MAPK8: variants seen among roughly 807,000 people sequenced by gnomAD.
The protein encoded by MAPK8 is mitogen-activated protein kinase 8, also known as JUN N-terminal kinase.
MAPK8 carries 13 observed loss-of-function variants against 52.9 expected under a neutral mutation model. The ratio of observed to expected loss-of-function variants is 0.25; its 90% CI spans 0.16 to 0.39. MAPK8 has a LOEUF of 0.39. MAPK8 is among the 10% of genes least tolerant of loss of function. The pLI is 1.00. For synonymous variants in MAPK8, 191 were observed against 169.8 expected, an observed-to-expected ratio of 1.12 and a Z score of -0.97; for missense variants, 300 against 519.2, an observed-to-expected ratio of 0.58 and a Z score of 4.10.
At chr10:48,381,004 G>C (rs1016212712) in intron 1 of MAPK8, among the ~76,000 whole-genome samples, 4 of 152,092 alleles carry the variant, frequency 2.6e-5, no homozygotes, top group Non-Finnish European at 5.9e-5. Flanking sequence ...ATGAGCTCAA[G>C]AAAATCTCTC....
At chr10:48,333,164 C>T (rs980813705) in intron 1 of MAPK8, among the ~76,000 whole-genome samples, 1 of 152,216 alleles carries the variant, frequency 6.6e-6, no homozygotes, top group Non-Finnish European at 1.5e-5. Context: ...CTTTGTTCTC[C>T]TCTCCTTTCC....
rs537821329 is a variant in MAPK8, at chr10:48,429,706, A to G, written c.1061-1487A>G. ...ATTCTCTCCTTTATCAGTGCTTTCTATTTTTCTCCTTCCAAGCCTTAAGTT... is the reference window on the plus strand; with the variant it reads ...ATTCTCTCCTTTATCAGTGCTTTCTGTTTTTCTCCTTCCAAGCCTTAAGTT... On this transcript the variant is annotated intron_variant, in intron 10 of 11. Coordinates refer to ENST00000374189, the MANE Select transcript of MAPK8 (RefSeq NM_001323329.2). 2.8e-4 allele frequency among the ~76,000 whole-genome samples: 43 copies of G among 151,450 alleles called. No homozygotes were observed. In the East Asian group the frequency reaches 6.8e-3, roughly 24 times the overall value.
intron 5 of MAPK8, among the ~76,000 whole-genome samples, chr10:48,414,979 G>T (rs1168232972): frequency 6.6e-6 from 1 of 151,962 alleles, no homozygotes; most frequent in Non-Finnish European, 1.5e-5. Flanking sequence ...TAAATACAGA[G>T]AGAGTTTTCA....
chr10:48,414,492 A>G (rs544040254), intron 5 of MAPK8, among the ~76,000 whole-genome samples: 1 of 134,526 alleles, frequency 7.4e-6, no homozygotes, highest in Non-Finnish European at 1.5e-5. Flanking sequence ...TTCCTCTGTC[A>G]CTCAGGCCAG....
chr10:48,388,976 T>G (rs1448563285), intron 1 of MAPK8, among the ~76,000 whole-genome samples: 3 of 152,044 alleles, frequency 2.0e-5, no homozygotes, highest in Non-Finnish European at 2.9e-5. Flanking sequence ...CATAGTTTTT[T>G]GGGGGGAAAG....
intron 1 of MAPK8, among the ~76,000 whole-genome samples, chr10:48,372,643 A>G (rs754462971): frequency 1.3e-4 from 20 of 152,106 alleles, no homozygotes. Context: ...AGATTAACTC[A>G]ATGAAATAAA....
At chr10:48,382,183 G>A (rs191541834) in intron 1 of MAPK8, among the ~76,000 whole-genome samples, 72 of 152,298 alleles carry the variant, frequency 4.7e-4, no homozygotes, top group Non-Finnish European at 1.3e-4. Flanking sequence ...AGTTTTATGA[G>A]CTTCAGACAT....
intron 3 of MAPK8, 144 bp downstream of exon 3, chr10:48,405,125 A>C (rs1317652766): frequency 1.4e-5 from 4 of 277,284 alleles, no homozygotes; most frequent in Admixed American, 1.0e-4. Flanking sequence ...ATATATATAT[A>C]TATCTACAGG....
chr10:48,379,605 C>CA (rs1166625917), intron 1 of MAPK8, among the ~76,000 whole-genome samples: 2 of 151,410 alleles, frequency 1.3e-5, no homozygotes, highest in African/African-American at 2.4e-5. Context: ...ATAAATGGCT[C>CA]AAAAAAAATG....
Position 48,427,141 on chromosome 10 carries a change from A to G in MAPK8, c.1058A>G (p.Lys353Arg), listed in dbSNP as rs944850013. ...DEREHTIEEW[K>R]ELIYKEVMDL... ...AGGGAACACACAATAGAAGAGTGGA[A>G]AGGTACATTCGTCAGATTCTTAGAG... The change falls in exon 10 of 12, where the codon AAA (lysine) becomes AGA (arginine). Residue 353 changes from lysine to arginine, a missense_variant and splice_region_variant. Lys to Arg is a conservative substitution (Grantham distance 26). Transcript: ENST00000374189. 1.2e-6 allele frequency: 2 copies of G among 1,611,018 alleles called. No homozygotes were observed. The highest frequency in any genetic ancestry group is 1.7e-6 in the Non-Finnish European group (2 of 1,177,806).
intron 1 of MAPK8, among the ~76,000 whole-genome samples, chr10:48,378,390 C>T (rs1168394468): frequency 6.8e-6 from 1 of 147,796 alleles, no homozygotes; most frequent in East Asian, 2.0e-4. Context: ...TTTTAGTTTC[C>T]TCCAAAGTAA....
At chr10:48,391,886 A>G (rs1485651347) in intron 1 of MAPK8, among the ~76,000 whole-genome samples, 2 of 152,176 alleles carry the variant, frequency 1.3e-5, no homozygotes. Flanking sequence ...TATAAAGGAT[A>G]TTACAAAGGA....
chr10:48,359,138 T>G (rs1489229360), intron 1 of MAPK8, among the ~76,000 whole-genome samples: 1 of 152,228 alleles, frequency 6.6e-6, no homozygotes, highest in African/African-American at 2.4e-5. Context: ...ATCTTCATTA[T>G]TTTCTTCCTT....
intron 1 of MAPK8, among the ~76,000 whole-genome samples, chr10:48,316,915 G>C (rs899812634): frequency 6.6e-6 from 1 of 152,152 alleles, no homozygotes; most frequent in Non-Finnish European, 1.5e-5. Context: ...GGGAAAACAA[G>C]TATCCAGACT....
chr10:48,325,198 ACTC>A (rs1338329702), intron 1 of MAPK8, among the ~76,000 whole-genome samples: 1 of 151,806 alleles, frequency 6.6e-6, no homozygotes, highest in East Asian at 1.9e-4. Context: ...CTGGTCTCGA[ACTC>A]CTGACCTCAA....
intron 1 of MAPK8, among the ~76,000 whole-genome samples, chr10:48,364,948 A>T (rs1200327562): frequency 6.6e-6 from 1 of 152,170 alleles, no homozygotes. Context: ...ATTTTTCCAG[A>T]GAAAGTGTTT....
intron 1 of MAPK8, among the ~76,000 whole-genome samples, chr10:48,378,137 G>A (rs973655655): frequency 3.9e-5 from 6 of 151,942 alleles, no homozygotes; most frequent in Non-Finnish European, 5.9e-5. Context: ...CTTTCTTCTC[G>A]AAAGCATTGT....
chr10:48,340,830 T>C (rs1845182675), intron 1 of MAPK8, among the ~76,000 whole-genome samples: 1 of 152,236 alleles, frequency 6.6e-6, no homozygotes, highest in Non-Finnish European at 1.5e-5. Context: ...CTCTCTCTTC[T>C]CTCTATACTG....
intron 1 of MAPK8, among the ~76,000 whole-genome samples, chr10:48,373,245 A>G (rs1305587465): frequency 6.6e-6 from 1 of 152,298 alleles, no homozygotes; most frequent in African/African-American, 2.4e-5. Context: ...AGCACTAAAC[A>G]TGGAAAGGAA....
Sources: gnomAD v4.1 joint callset for allele counts (sites outside exome capture counted in the v4.1 genomes callset) on GRCh38, gnomAD v4.1.1 for gene constraint, MANE v1.5 for transcripts, NCBI Gene and HGNC (gene_info 2026-07-23, HGNC 2026-07-21) for gene names.